TTC17: variants seen among roughly 807,000 people sequenced by gnomAD.
TTC17 encodes the protein tetratricopeptide repeat domain 17, also known as tetratricopeptide repeat protein 17.
A neutral mutation model predicts 143.8 loss-of-function variants in TTC17; 58 were observed. The observed-to-expected ratio is 0.40, with a 90% CI of 0.33 to 0.50. The LOEUF is 0.50. TTC17 is among the 20% of genes least tolerant of loss of function. The probability of loss-of-function intolerance (pLI) is 0.49; values close to 1 mark genes in which losing one functional copy is unlikely to be tolerated. For missense variants in TTC17, 1,273 were observed against 1,392.5 expected (o/e 0.91, Z 1.37); for synonymous variants, 501 against 497.8 (o/e 1.01, Z -0.09).
chr11:43,480,179 T>C (rs1391494125), intron 21 of TTC17, among the ~76,000 whole-genome samples: 2 of 152,226 alleles, frequency 1.3e-5, no homozygotes, highest in Non-Finnish European at 2.9e-5. Context: ...ATGTATTCAT[T>C]CACTCATTCA....
At chr11:43,482,778 A>G (rs1439009255) in intron 21 of TTC17, among the ~76,000 whole-genome samples, 1 of 152,126 alleles carries the variant, frequency 6.6e-6, no homozygotes, top group Non-Finnish European at 1.5e-5. Context: ...ATTCAACTAT[A>G]TTAATAATTA....
chr11:43,433,206 G>A (rs1162547262), intron 16 of TTC17, among the ~76,000 whole-genome samples: 1 of 152,068 alleles, frequency 6.6e-6, no homozygotes, highest in East Asian at 1.9e-4. Context: ...TCACCATGTT[G>A]GCCAGGATGG....
At chr11:43,435,797 T>C (rs1947279054) in intron 16 of TTC17, among the ~76,000 whole-genome samples, 1 of 152,220 alleles carries the variant, frequency 6.6e-6, no homozygotes, top group Non-Finnish European at 1.5e-5. Context: ...CTTATCCAGG[T>C]ATTAACCTGT....
At position 43,443,478 on chromosome 11, in the gene TTC17, T is replaced by C; in HGVS notation, c.2405T>C (p.Leu802Pro). 2 of 1,614,130 alleles carry C rather than the reference T, an allele frequency of 1.2e-6. No individual in the cohort carries two copies. The highest frequency in any genetic ancestry group is 2.2e-5 in the South Asian group (2 of 91,076). ...GGALEMKGRR[L>P]DLQGIRVLKK... is the part of the protein sequence containing the mutation. Reference sequence around the variant, plus strand: ...GCACTAGAGATGAAAGGGCGGCGTCTAGACTTACAAGGAATACGGGTGCTG... The same window carrying C: ...GCACTAGAGATGAAAGGGCGGCGTCCAGACTTACAAGGAATACGGGTGCTG... Residue 802 changes from leucine to proline, a missense_variant, in exon 17 of 24, where the codon CTA becomes CCA. Transcript: ENST00000039989.
At chr11:43,452,242 G>A (rs1947672657) in intron 21 of TTC17, among the ~76,000 whole-genome samples, 1 of 152,214 alleles carries the variant, frequency 6.6e-6, no homozygotes. Context: ...GCTCACACCT[G>A]TAATCCCAGC....
intron 18 of TTC17, chr11:43,445,859 A>G: frequency 5.3e-6 from 4 of 757,836 alleles, no homozygotes; most frequent in Non-Finnish European, 4.6e-6. Context: ...AATGGAGATC[A>G]TTAAGAGCCA....
At position 43,492,121 on chromosome 11, in the gene TTC17, T is replaced by G. The variant is rs142074557; in HGVS notation, c.3252T>G (p.Phe1084Leu). The G allele has an allele frequency of 5.6e-6, 9 of 1,613,988 alleles. No individual in the cohort carries two copies. Among genetic ancestry groups the G allele is most frequent in the Middle Eastern group, 1.6e-4 (1 of 6,082 alleles). ...TGGCAGTAGAGATCGCACCACACTT[T>G]GCTGTGAACCACTTCACTCTGGGCA... ...ATMAVEIAPHFAVNHFTLGNV... is the reference protein window; with the variant it reads ...ATMAVEIAPHLAVNHFTLGNV... Residue 1084 changes from phenylalanine (F) to leucine (L), a missense_variant, in exon 23 of 24, where the codon TTT becomes TTG. Transcript: ENST00000039989.
At chr11:43,424,887 G>C (rs980578503) in intron 16 of TTC17, among the ~76,000 whole-genome samples, 1 of 152,158 alleles carries the variant, frequency 6.6e-6, no homozygotes, top group Non-Finnish European at 1.5e-5. Flanking sequence ...GCAAGAGGGG[G>C]TCTGTTTTAT....
chr11:43,366,138 A>G (rs1467782563), intron 1 of TTC17, among the ~76,000 whole-genome samples: 3 of 151,750 alleles, frequency 2.0e-5, no homozygotes, highest in East Asian at 1.9e-4. Flanking sequence ...TCAGAAATCT[A>G]GTTGTCTTTA....
rs775440844 is a variant in TTC17, at chr11:43,450,191, G to A, written c.2896G>A (p.Val966Ile). ...SMHTLDHLHGVSNRASLHYTG... is the reference protein window; with the variant it reads ...SMHTLDHLHGISNRASLHYTG... ...GCATACCCTGGACCACTTGCATGGG[G>A]TTTCCAACCGAGCCAGCCTGCACTA... Residue 966 changes from valine (V) to isoleucine (I), a missense_variant, in exon 20 of 24, where the codon GTT (valine) becomes ATT (isoleucine). This residue lies in a region of TTC17 where 878 missense variants were observed against 899.8 expected (regional missense o/e 0.98). Coordinates refer to ENST00000039989, the MANE Select transcript of TTC17 (RefSeq NM_018259.6). The A allele has an allele frequency of 5.6e-6, 9 of 1,614,114 alleles. No individual in the cohort carries two copies. The South Asian group carries it at 7.7e-5, about 14-fold the overall frequency.
Position 43,389,005 on chromosome 11 carries a change from G to T in TTC17, c.250-647G>T, listed in dbSNP as rs549110071. On this transcript the variant is annotated intron_variant, in intron 2 of 23. Coordinates refer to ENST00000039989, the MANE Select transcript of TTC17 (RefSeq NM_018259.6). ...AAAAAAAAAAATTAACTGGGCATGT[G>T]GGACATGCCTGTAGTCCAGATACTT... 1.1e-4 allele frequency among the ~76,000 whole-genome samples: 16 copies of T among 151,482 alleles called. 1 individual carries two copies. In the East Asian group the frequency reaches 3.1e-3, roughly 30 times the overall value.
chr11:43,484,165 T>C (rs1948338141), intron 21 of TTC17, among the ~76,000 whole-genome samples: 1 of 151,948 alleles, frequency 6.6e-6, no homozygotes, highest in Admixed American at 6.6e-5. Context: ...AATAAATTAA[T>C]GGCATAAGTG....
intron 1 of TTC17, among the ~76,000 whole-genome samples, chr11:43,369,739 C>T (rs1355729865): frequency 6.6e-6 from 1 of 151,890 alleles, no homozygotes; most frequent in Non-Finnish European, 1.5e-5. Context: ...GCCTCAGCCT[C>T]CCGAGTAGCT....
intron 21 of TTC17, among the ~76,000 whole-genome samples, chr11:43,463,786 G>A (rs546345472): frequency 6.6e-6 from 1 of 152,316 alleles, no homozygotes; most frequent in East Asian, 1.9e-4. Context: ...GGGAGAAGAG[G>A]AGGATTTAAC....
At chr11:43,436,416 G>C in intron 16 of TTC17, 1 of 1,182,136 alleles carries the variant, frequency 8.5e-7, no homozygotes, top group Non-Finnish European at 1.1e-6. Context: ...CTACTTTTAA[G>C]AATTTGTTTT....
At chr11:43,475,995 A>T (rs1438699611) in intron 21 of TTC17, among the ~76,000 whole-genome samples, 1 of 152,190 alleles carries the variant, frequency 6.6e-6, no homozygotes, top group African/African-American at 2.4e-5. Flanking sequence ...ACAAATTCTG[A>T]TGTGTTTTAT....
intron 21 of TTC17, among the ~76,000 whole-genome samples, chr11:43,455,140 A>G (rs1004427594): frequency 2.0e-5 from 3 of 151,650 alleles, no homozygotes; most frequent in African/African-American, 7.2e-5. Flanking sequence ...TGGAAATTCT[A>G]AAACATGTCA....
At chr11:43,462,761 C>T (rs892057688) in intron 21 of TTC17, among the ~76,000 whole-genome samples, 7 of 151,972 alleles carry the variant, frequency 4.6e-5, no homozygotes, top group Middle Eastern at 3.2e-3. Context: ...TAAACATTGA[C>T]ATAACTGGCA....
intron 21 of TTC17, among the ~76,000 whole-genome samples, chr11:43,480,161 C>T (rs563811374): frequency 6.6e-6 from 1 of 152,324 alleles, no homozygotes; most frequent in East Asian, 1.9e-4. Context: ...ATAAGTATCA[C>T]AGTAGCCATG....
Sources: gnomAD v4.1 joint callset for allele counts (sites outside exome capture counted in the v4.1 genomes callset) on GRCh38, gnomAD v4.1.1 for gene constraint, gnomAD v4.1.1 regional missense constraint, MANE v1.5 for transcripts, NCBI Gene and HGNC (gene_info 2026-07-23, HGNC 2026-07-21) for gene names.